Variants in GALNTL6 observed in about 807,000 individuals in gnomAD.
GALNTL6 encodes the protein polypeptide N-acetylgalactosaminyltransferase-like 6.
GALNTL6 carries 46 observed loss-of-function variants against 73.7 expected under a neutral mutation model. That is an observed-to-expected ratio of 0.62 (90% CI 0.49 to 0.80). GALNTL6 has a LOEUF of 0.80. Among genes scored for constraint, GALNTL6 ranks in the 30% least tolerant of loss-of-function variants. GALNTL6 has a pLI of 0.00. For missense variants in GALNTL6, 604 were observed against 755.0 expected (o/e 0.80, Z 2.34); for synonymous variants, 259 against 263.7 (o/e 0.98, Z 0.17).
Position 172,465,057 on chromosome 4 carries a change from G to A in GALNTL6, c.553+116368G>A, listed in dbSNP as rs186264448. Among the ~76,000 whole-genome samples, 69 of 152,206 alleles carry A rather than the reference G, an allele frequency of 4.5e-4. No homozygotes were observed. The East Asian group carries it at 0.013, about 29-fold the overall frequency. ...TTTATTTCCTCGGCTGAGGTTCTTTGGCTTGAACATGATTAATGCAATCTT... is the reference window on the plus strand; with the variant it reads ...TTTATTTCCTCGGCTGAGGTTCTTTAGCTTGAACATGATTAATGCAATCTT... On this transcript the variant is annotated intron_variant, in intron 5 of 12. Coordinates refer to ENST00000506823, the MANE Select transcript of GALNTL6 (RefSeq NM_001034845.3).
At chr4:172,321,678 TAAA>T (rs1740760011) in intron 4 of GALNTL6, among the ~76,000 whole-genome samples, 1 of 152,174 alleles carries the variant, frequency 6.6e-6, no homozygotes, top group Non-Finnish European at 1.5e-5. Flanking sequence ...ATAGCTAAAA[TAAA>T]AAGTTCTTTT....
At chr4:172,354,258 C>G (rs1215400941) in intron 5 of GALNTL6, among the ~76,000 whole-genome samples, 1 of 151,854 alleles carries the variant, frequency 6.6e-6, no homozygotes, top group African/African-American at 2.4e-5. Context: ...ATTTAATATT[C>G]GTATTTAAAA....
intron 2 of GALNTL6, among the ~76,000 whole-genome samples, chr4:172,089,082 A>G (rs1475886577): frequency 1.3e-5 from 2 of 152,198 alleles, no homozygotes; most frequent in East Asian, 1.9e-4. Context: ...TCCACACCCA[A>G]TTAAGTCAGT....
intron 2 of GALNTL6, among the ~76,000 whole-genome samples, chr4:171,915,561 CA>C (rs148000806): frequency 0.033 from 5,066 of 152,216 alleles, 250 homozygotes; most frequent in East Asian, 0.14. Context: ...ATCTGATACT[CA>C]AGTGCTAGCA....
chr4:172,947,696 G>A (rs949594853), intron 9 of GALNTL6, among the ~76,000 whole-genome samples: 1 of 151,950 alleles, frequency 6.6e-6, no homozygotes. Flanking sequence ...GGCACAAGCT[G>A]TTATTGGAAT....
intron 3 of GALNTL6, among the ~76,000 whole-genome samples, chr4:172,262,449 C>T (rs1280199601): frequency 1.3e-5 from 2 of 151,484 alleles, no homozygotes; most frequent in African/African-American, 2.4e-5. Context: ...TACTCCTACT[C>T]ACTTTTGGTT....
intron 5 of GALNTL6, among the ~76,000 whole-genome samples, chr4:172,618,133 C>T (rs1194712743): frequency 1.3e-5 from 2 of 152,142 alleles, no homozygotes; most frequent in Non-Finnish European, 2.9e-5. Context: ...TCTGCTTTCC[C>T]TGTCACACTG....
chr4:171,926,246 A>C (rs927478916), intron 2 of GALNTL6, among the ~76,000 whole-genome samples: 1 of 152,122 alleles, frequency 6.6e-6, no homozygotes, highest in African/African-American at 2.4e-5. Context: ...TTGCCATTTC[A>C]ATTTTCAAAT....
intron 2 of GALNTL6, among the ~76,000 whole-genome samples, chr4:171,969,226 C>A (rs1368884201): frequency 6.6e-6 from 1 of 152,136 alleles, no homozygotes; most frequent in African/African-American, 2.4e-5. Context: ...TTAAACATCA[C>A]CTTCTTGACT....
chr4:172,652,259 A>AT (rs935323504), intron 5 of GALNTL6, among the ~76,000 whole-genome samples: 1 of 152,048 alleles, frequency 6.6e-6, no homozygotes, highest in Admixed American at 6.6e-5. Flanking sequence ...TCATAGTTCC[A>AT]TTTTTTTTCC....
chr4:172,192,792 T>G (rs560240266), intron 2 of GALNTL6, among the ~76,000 whole-genome samples: 62 of 152,242 alleles, frequency 4.1e-4, no homozygotes, highest in African/African-American at 1.5e-3. Flanking sequence ...TGGACACTGC[T>G]TAAGATGAAC....
chr4:172,364,005 T>C (rs1426818875), intron 5 of GALNTL6, among the ~76,000 whole-genome samples: 1 of 152,202 alleles, frequency 6.6e-6, no homozygotes, highest in Non-Finnish European at 1.5e-5. Flanking sequence ...TCCCATCATC[T>C]GTTATGTTAT....
At chr4:172,768,387 G>A (rs1738563478) in intron 5 of GALNTL6, among the ~76,000 whole-genome samples, 1 of 152,176 alleles carries the variant, frequency 6.6e-6, no homozygotes, top group Admixed American at 6.5e-5. Context: ...CCAAACGCTG[G>A]TGGGAACTTG....
At chr4:171,991,710 A>T (rs1740338005) in intron 2 of GALNTL6, among the ~76,000 whole-genome samples, 1 of 27,884 alleles carries the variant, frequency 3.6e-5, no homozygotes. Flanking sequence ...GAGTTTGATT[A>T]TATGTGTGTG....
intron 5 of GALNTL6, chr4:172,425,372 G>T (rs537265705): frequency 7.9e-5 from 12 of 152,184 alleles, no homozygotes; most frequent in African/African-American, 2.6e-4. Flanking sequence ...TGTTTTCAGA[G>T]AAGGCATGTG....
At chr4:172,892,723 G>A (rs913218938) in intron 8 of GALNTL6, among the ~76,000 whole-genome samples, 1 of 151,816 alleles carries the variant, frequency 6.6e-6, no homozygotes, top group East Asian at 1.9e-4. Context: ...GGGAGATGGG[G>A]GGCAAGAGAT....
intron 2 of GALNTL6, among the ~76,000 whole-genome samples, chr4:172,167,975 A>G (rs1352899046): frequency 2.6e-5 from 4 of 151,882 alleles, no homozygotes; most frequent in African/African-American, 9.7e-5. Flanking sequence ...CAAAAAAAAA[A>G]AAAAAAAAAA....
intron 2 of GALNTL6, among the ~76,000 whole-genome samples, chr4:172,025,302 A>G (rs1252127602): frequency 6.6e-6 from 1 of 152,032 alleles, no homozygotes; most frequent in Admixed American, 6.6e-5. Flanking sequence ...TCATAAAACA[A>G]CAAGTACGGC....
At chr4:172,016,623 A>T (rs908105017) in intron 2 of GALNTL6, among the ~76,000 whole-genome samples, 26 of 152,036 alleles carry the variant, frequency 1.7e-4, no homozygotes, top group Non-Finnish European at 2.5e-4. Flanking sequence ...CTAGTGTGAT[A>T]TTTTGGGGGT....
Sources: gnomAD v4.1 joint callset for allele counts (sites outside exome capture counted in the v4.1 genomes callset) on GRCh38, gnomAD v4.1.1 for gene constraint, MANE v1.5 for transcripts, NCBI Gene and HGNC (gene_info 2026-07-23, HGNC 2026-07-21) for gene names.